The following ZNF486 variants were observed in gnomAD, a reference collection of about 807,000 sequenced individuals.
ZNF486 encodes zinc finger protein 486.
ZNF486 carries 12 observed loss-of-function variants against 12.8 expected under a neutral mutation model. That is an observed-to-expected ratio of 0.94 (90% CI 0.60 to 1.52). ZNF486 has a LOEUF of 1.52. ZNF486 is among the 40% of genes most tolerant of loss of function. ZNF486 has a pLI of 0.00. For synonymous variants in ZNF486, 231 were observed against 184.9 expected (o/e 1.25, Z -2.02); for missense variants, 738 against 545.0 (o/e 1.35, Z -3.53).
chr19:20,179,979 A>AT (rs2089766461), intron 1 of ZNF486, among the ~76,000 whole-genome samples: 1 of 152,214 alleles, frequency 6.6e-6, no homozygotes, highest in Non-Finnish European at 1.5e-5. Context: ...AAGAGCTAGC[A>AT]AATCAGGACA....
Position 20,197,452 on chromosome 19 carries a change from A to G in ZNF486, c.742A>G (p.Lys248Glu). ...ATGTGAAGAATGTGGCAAAGTCTTT[A>G]AGTACTTCTCTAGCTTTACTACACA... Reference protein sequence around the residue: ...YKCEECGKVFKYFSSFTTHKK... With the variant: ...YKCEECGKVFEYFSSFTTHKK... The change falls in exon 4 of 4, where the codon AAG becomes GAG. Residue 248 changes from lysine to glutamate, a missense_variant. By Grantham distance (56) the Lys-to-Glu change is moderately conservative. Transcript: ENST00000335117. 1 of 1,613,376 alleles carries G rather than the reference A, an allele frequency of 6.2e-7. No homozygotes were observed. The highest frequency in any genetic ancestry group is 8.5e-7 in the Non-Finnish European group (1 of 1,179,740).
At chr19:20,181,382 A>G (rs1026539821) in intron 1 of ZNF486, among the ~76,000 whole-genome samples, 5 of 152,086 alleles carry the variant, frequency 3.3e-5, no homozygotes, top group African/African-American at 1.2e-4. Flanking sequence ...TACTAAGAAT[A>G]CAAAAAATTA....
rs2089872325 is a variant in ZNF486, at chr19:20,188,546, T to A, written c.253+2464T>A. The A allele has an allele frequency of 1.5e-5, 6 of 397,636 alleles. No homozygotes were observed. The South Asian group carries it at 7.7e-4, about 51-fold the overall frequency. 24.6% of individuals were successfully genotyped at this position (397,636 alleles called of 1,614,324 possible). On this transcript the variant is annotated intron_variant, in intron 3 of 3. Transcript: ENST00000335117. ...AAAATAATTTAATAATTGCCAGGCA[T>A]GGTGGTATGCAGCTGTGGTACCTGC...
rs552565082 is a variant in ZNF486, at chr19:20,197,623, C to T, written c.913C>T (p.His305Tyr). The change falls in exon 4 of 4, where the codon CAT becomes TAT. Residue 305 changes from histidine to tyrosine, a missense_variant. By Grantham distance (83) the His-to-Tyr change is moderately conservative. Transcript: ENST00000335117. ...TAAAGAATGTGACAAAGCTTTTAAC[C>T]ATCCTGCAACTCTTTCTTCACATAA... ...KCKECDKAFN[H>Y]PATLSSHKKI... 4.4e-5 allele frequency: 71 copies of T among 1,613,372 alleles called. 1 individual carries two copies. The Admixed American group carries it at 8.5e-4, about 19-fold the overall frequency.
chr19:20,195,395 C>T (rs1555717747), intron 3 of ZNF486, among the ~76,000 whole-genome samples: 1 of 152,198 alleles, frequency 6.6e-6, no homozygotes, highest in East Asian at 1.9e-4. Flanking sequence ...TCTCAAACTT[C>T]TGACCTCATG....
chr19:20,191,174 TA>T (rs2089898100), intron 3 of ZNF486, among the ~76,000 whole-genome samples: 1 of 152,190 alleles, frequency 6.6e-6, no homozygotes, highest in Non-Finnish European at 1.5e-5. Flanking sequence ...TATTTTTCTT[TA>T]AAAATTATGC....
At chr19:20,171,993 T>C (rs1354021239) in intron 1 of ZNF486, among the ~76,000 whole-genome samples, 1 of 152,078 alleles carries the variant, frequency 6.6e-6, no homozygotes, top group Non-Finnish European at 1.5e-5. Context: ...TTCCTTTTTT[T>C]TTTTTCCTTT....
intron 1 of ZNF486, among the ~76,000 whole-genome samples, chr19:20,173,700 C>T (rs565918597): frequency 2.2e-4 from 33 of 151,938 alleles, no homozygotes; most frequent in African/African-American, 5.8e-4. Flanking sequence ...GGCGTGGTGG[C>T]GGGCGCCTGT....
At chr19:20,190,498 C>G (rs1316020578) in intron 3 of ZNF486, among the ~76,000 whole-genome samples, 1 of 152,140 alleles carries the variant, frequency 6.6e-6, no homozygotes, top group Admixed American at 6.5e-5. Context: ...GATCCTTTCA[C>G]CTCTGTTTTC....
At chr19:20,190,103 G>GATC (rs2089888202) in intron 3 of ZNF486, among the ~76,000 whole-genome samples, 1 of 152,076 alleles carries the variant, frequency 6.6e-6, no homozygotes, top group South Asian at 2.1e-4. Context: ...AAGACCATTT[G>GATC]ATCATATATA....
intron 2 of ZNF486, among the ~76,000 whole-genome samples, chr19:20,185,025 C>A (rs1555716166): frequency 6.6e-6 from 1 of 152,078 alleles, no homozygotes; most frequent in Middle Eastern, 3.2e-3. Context: ...GCAGGAGATT[C>A]CCTTGAACAC....
Position 20,188,433 on chromosome 19 carries a change from C to G in ZNF486, c.253+2351C>G, listed in dbSNP as rs530352692. ...TGGTTGTGGCTCCCATCTGTAATCC[C>G]AGGATTTTGGGAGGCCAACACAGGA... On this transcript the variant is annotated intron_variant, in intron 3 of 3. Coordinates refer to ENST00000335117, the MANE Select transcript of ZNF486 (RefSeq NM_052852.4). 158 of 398,366 alleles carry G rather than the reference C, an allele frequency of 4.0e-4. 1 individual carries two copies. Among genetic ancestry groups the G allele is most frequent in the African/African-American group, 2.9e-3 (143 of 48,654 alleles). 24.7% of individuals were successfully genotyped at this position (398,366 alleles called of 1,614,324 possible).
intron 3 of ZNF486, among the ~76,000 whole-genome samples, chr19:20,190,102 T>G (rs1313844966): frequency 6.6e-6 from 1 of 152,238 alleles, no homozygotes; most frequent in Non-Finnish European, 1.5e-5. Context: ...AAAGACCATT[T>G]GATCATATAT....
At position 20,167,399 on chromosome 19, in the gene ZNF486, A is replaced by G. The variant is rs201423315; in HGVS notation, c.30+39A>G. 432 of 1,606,734 alleles carry G rather than the reference A, an allele frequency of 2.7e-4. 1 individual carries two copies. The African/African-American group carries it at 4.9e-3, about 18-fold the overall frequency. On this transcript the variant is annotated intron_variant, in intron 1 of 3. Transcript: ENST00000335117. Reference sequence around the variant, plus strand: ...TTGGACATCCTGAGAGAGGGGAGGGACTGGTTGATGGGAAGTGGCTGTGGA... The same window carrying G: ...TTGGACATCCTGAGAGAGGGGAGGGGCTGGTTGATGGGAAGTGGCTGTGGA...
At chr19:20,167,516 G>A (rs1332075686) in intron 1 of ZNF486, among the ~76,000 whole-genome samples, 156 bp downstream of exon 1, 2 of 152,286 alleles carry the variant, frequency 1.3e-5, no homozygotes, top group East Asian at 3.9e-4. Context: ...CCATAAGATG[G>A]TGGCTGCGCT....
intron 1 of ZNF486, among the ~76,000 whole-genome samples, chr19:20,169,943 T>G (rs1334086216): frequency 8.4e-5 from 12 of 142,460 alleles, no homozygotes; most frequent in Non-Finnish European, 1.6e-4. Flanking sequence ...CAGGCTGGAG[T>G]GCAGTGGCGC....
At chr19:20,174,702 G>A (rs2089686814) in intron 1 of ZNF486, among the ~76,000 whole-genome samples, 1 of 152,104 alleles carries the variant, frequency 6.6e-6, no homozygotes, top group South Asian at 2.1e-4. Flanking sequence ...AAAATAGTAT[G>A]AATATAAAGC....
At chr19:20,173,017 T>G (rs1242901400) in intron 1 of ZNF486, among the ~76,000 whole-genome samples, 6 of 152,200 alleles carry the variant, frequency 3.9e-5, no homozygotes, top group African/African-American at 1.4e-4. Flanking sequence ...TTTTGTAGAT[T>G]GTTTACTCTG....
At chr19:20,188,407 A>C (rs2089870952) in intron 3 of ZNF486, 2 of 398,430 alleles carry the variant, frequency 5.0e-6, no homozygotes, top group Non-Finnish European at 8.8e-6. Flanking sequence ...AGGGCCAGGC[A>C]TGGTTGTGGC....
Sources: gnomAD v4.1 joint callset for allele counts (sites outside exome capture counted in the v4.1 genomes callset) on GRCh38, gnomAD v4.1.1 for gene constraint, MANE v1.5 for transcripts, NCBI Gene and HGNC (gene_info 2026-07-23, HGNC 2026-07-21) for gene names.